YARS2: variants seen among roughly 807,000 people sequenced by gnomAD.
The protein encoded by YARS2 is tyrosyl-tRNA synthetase 2, also known as tyrosine--tRNA ligase, mitochondrial.
YARS2 carries 38 observed loss-of-function variants against 45.0 expected under a neutral mutation model. That is an observed-to-expected ratio of 0.84 (90% confidence interval 0.65 to 1.11). The LOEUF (loss-of-function observed/expected upper bound fraction) is 1.11, where lower values mean the gene tolerates loss of function less well. Ranked by LOEUF, YARS2 falls within the 50% of genes least tolerant of loss-of-function variation. YARS2 has a pLI of 0.00. For synonymous variants in YARS2, 287 were observed against 245.1 expected (o/e 1.17, Z -1.60); for missense variants, 602 against 599.8 (o/e 1.00, Z -0.04).
chr12:32,747,022 C>T lies in YARS2; in HGVS notation c.*182G>A, dbSNP rs2137642804. 1 of 591,892 alleles carries T rather than the reference C, an allele frequency of 1.7e-6. No homozygotes were observed. Among genetic ancestry groups the T allele is most frequent in the Non-Finnish European group, 2.9e-6 (1 of 340,908 alleles). The allele number at this position is 591,892 out of a possible 1,614,324, so 36.7% of individuals were successfully genotyped here. A position where few individuals can be genotyped will look rare whatever the true frequency, so the allele number is the denominator to read the frequency against. On this transcript the variant is annotated 3_prime_UTR_variant, in exon 5 of 5. Coordinates refer to ENST00000324868, the MANE Select transcript of YARS2 (RefSeq NM_001040436.3). ...TTGTACATCAGAAAATAAAACATCC[C>T]ATTATTAAACAAATATTTATTAACC...
chr12:32,747,168 G>A lies in YARS2; in HGVS notation c.*36C>T, dbSNP rs775951624. ...TTCAGAGGTCTTGAGAATGAATGAT[G>A]GGTAAGTTTATTTGGACAACCAGAA... On this transcript the variant is annotated 3_prime_UTR_variant, in exon 5 of 5. Coordinates refer to ENST00000324868, the MANE Select transcript of YARS2 (RefSeq NM_001040436.3). 1.2e-6 allele frequency: 2 copies of A among 1,608,142 alleles called. No homozygotes were observed. The highest frequency in any genetic ancestry group is 8.5e-7 in the Non-Finnish European group (1 of 1,177,180).
rs1221477387 is a variant in YARS2, at chr12:32,746,719, G to A, written c.*485C>T. 1 of 160,224 alleles carries A rather than the reference G, an allele frequency of 6.2e-6. No homozygotes were observed. The highest frequency in any genetic ancestry group is 1.8e-4 in the East Asian group (1 of 5,428). The allele number at this position is 160,224 out of a possible 1,614,324, so 9.9% of individuals were successfully genotyped here. On this transcript the variant is annotated 3_prime_UTR_variant, in exon 5 of 5. Transcript: ENST00000324868. ...CATCTGGCTAATTTTTATATTTTCA[G>A]TAGAGACGGGGTTTCGCCCTGTTGG...
Position 32,749,996 on chromosome 12 carries a change from A to G in YARS2, c.1215T>C (p.Pro405=). 1 of 1,614,172 alleles carries G rather than the reference A, an allele frequency of 6.2e-7. No homozygotes were observed. Among genetic ancestry groups the G allele is most frequent in the Non-Finnish European group, 8.5e-7 (1 of 1,180,018 alleles). The change falls in exon 4 of 5, where the codon CCT becomes CCC. Residue 405 remains proline (P), a synonymous_variant. Transcript: ENST00000324868. The part of the protein sequence containing the change: ...EAPFSEFFLD[P]GTSVLDTCRK... ...GGCAAGTATCTAGGACACTTGTTCC[A>G]GGATCGAGAAAAAATTCAGAAAATG... is the stretch of plus-strand genomic sequence containing the variant.
chr12:32,754,226 A>C, intron 1 of YARS2, 141 bp from the exon 2 acceptor site: 1 of 971,780 alleles, frequency 1.0e-6, no homozygotes, highest in Admixed American at 1.9e-5. Flanking sequence ...TGTTCCTCTT[A>C]TGTATTGTTA....
chr12:32,755,887 A>C lies in YARS2; in HGVS notation c.-13T>G. On this transcript the variant is annotated 5_prime_UTR_variant, in exon 1 of 5. Coordinates refer to ENST00000324868, the MANE Select transcript of YARS2 (RefSeq NM_001040436.3). ...TGGGCGCCGCCATCTTGGTAGCGGC[A>C]CGAAGGGAATGCTGGGATTGCAGAG... 6.2e-7 allele frequency: 1 copy of C among 1,612,786 alleles called. No homozygotes were observed. The highest frequency in any genetic ancestry group is 8.5e-7 in the Non-Finnish European group (1 of 1,179,982).
chr12:32,747,416 TC>T (rs1565556137), intron 4 of YARS2, 53 bp from the exon 5 acceptor site: 1 of 1,587,456 alleles, frequency 6.3e-7, no homozygotes. Context: ...TGTTGATCTG[TC>T]CCCCAAAAAA....
At chr12:32,751,110 A>G (rs930298342) in intron 2 of YARS2, among the ~76,000 whole-genome samples, 3 of 147,892 alleles carry the variant, frequency 2.0e-5, no homozygotes, top group African/African-American at 7.6e-5. Flanking sequence ...GCTGTTGCCC[A>G]GGCTGGAGTG....
chr12:32,751,955 A>G (rs1955752880), intron 2 of YARS2, among the ~76,000 whole-genome samples: 1 of 152,188 alleles, frequency 6.6e-6, no homozygotes, highest in Non-Finnish European at 1.5e-5. Context: ...ATGTTTACGT[A>G]TACAAATACT....
At chr12:32,749,632 G>C (rs950598700) in intron 4 of YARS2, among the ~76,000 whole-genome samples, 2 of 152,258 alleles carry the variant, frequency 1.3e-5, no homozygotes, top group South Asian at 2.1e-4. Context: ...CCAGGCTGGA[G>C]TGCAGTGGTG....
Position 32,749,799 on chromosome 12 carries a change from G to C in YARS2, c.1274+138C>G, listed in dbSNP as rs964215427. 4.2e-6 allele frequency: 4 copies of C among 951,526 alleles called. No individual in the cohort carries two copies. The African/African-American group carries it at 6.5e-5, about 16-fold the overall frequency. 58.9% of individuals were successfully genotyped at this position (951,526 alleles called of 1,614,324 possible). A position where few individuals can be genotyped will look rare whatever the true frequency, so the allele number is the denominator to read the frequency against. Reference sequence around the variant, plus strand: ...TCACCGTGTTAGCCAGGATGGTCTCGATCTCCTGACCTCGTGATCTGCCCG... The same window carrying C: ...TCACCGTGTTAGCCAGGATGGTCTCCATCTCCTGACCTCGTGATCTGCCCG... On this transcript the variant is annotated intron_variant, in intron 4 of 4. Transcript: ENST00000324868.
Position 32,747,019 on chromosome 12 carries a change from T to A in YARS2, c.*185A>T, listed in dbSNP as rs1488295769. 5.1e-6 allele frequency: 3 copies of A among 590,458 alleles called. No individual in the cohort carries two copies. The highest frequency in any genetic ancestry group is 6.3e-5 in the Admixed American group (2 of 31,858). 36.6% of individuals were successfully genotyped at this position (590,458 alleles called of 1,614,324 possible). On this transcript the variant is annotated 3_prime_UTR_variant, in exon 5 of 5. Coordinates refer to ENST00000324868, the MANE Select transcript of YARS2 (RefSeq NM_001040436.3). ...GCTTTGTACATCAGAAAATAAAACA[T>A]CCCATTATTAAACAAATATTTATTA...
At position 32,747,195 on chromosome 12, in the gene YARS2, G is replaced by A; in HGVS notation, c.*9C>T. On this transcript the variant is annotated 3_prime_UTR_variant, in exon 5 of 5. Coordinates refer to ENST00000324868, the MANE Select transcript of YARS2 (RefSeq NM_001040436.3). ...GTAAGTTTATTTGGACAACCAGAAG[G>A]ACTTTTCATCACAACTGAAGCCATT... 6.2e-7 allele frequency: 1 copy of A among 1,611,868 alleles called. No individual in the cohort carries two copies. The highest frequency in any genetic ancestry group is 8.5e-7 in the Non-Finnish European group (1 of 1,179,736).
rs185141250 is a variant in YARS2, at chr12:32,753,907, T to C, written c.947+11A>G. 7.6e-5 allele frequency: 122 copies of C among 1,614,192 alleles called. 1 individual carries two copies. The highest frequency in any genetic ancestry group is 4.9e-4 in the Middle Eastern group (3 of 6,062). The stretch of plus-strand genomic sequence containing the variant: ...GTGTCAGTTTTTCTCAGCCCATTAT[T>C]CAGAACTCACCTTTCCACTGAATCG... On this transcript the variant is annotated intron_variant, in intron 2 of 4. Coordinates refer to ENST00000324868, the MANE Select transcript of YARS2 (RefSeq NM_001040436.3).
At position 32,746,974 on chromosome 12, in the gene YARS2, T is replaced by C. The variant is rs371690622; in HGVS notation, c.*230A>G. 656 of 488,362 alleles carry C rather than the reference T, an allele frequency of 1.3e-3. 14 individuals are homozygous for C. The South Asian group carries it at 0.016, about 12-fold the overall frequency. The allele number at this position is 488,362 out of a possible 1,614,324, so 30.3% of individuals were successfully genotyped here. On this transcript the variant is annotated 3_prime_UTR_variant, in exon 5 of 5. Coordinates refer to ENST00000324868, the MANE Select transcript of YARS2 (RefSeq NM_001040436.3). The stretch of plus-strand genomic sequence containing the variant: ...AAAAAGAGATTAACCCTGAAAATCA[T>C]GGTTTTCTATGGTAATCAAGCTTTG...
chr12:32,754,022 C>T lies in YARS2; in HGVS notation c.843G>A (p.Lys281=). The stretch of plus-strand genomic sequence containing the variant: ...CAGCGTTGCCAGCAGACTTTCCCAG[C>T]TTTGCTCCAGTTGTACTTGTAATTA... ...VPLITSTTGA[K]LGKSAGNAVW... Residue 281 remains lysine, a synonymous_variant, in exon 2 of 5, where the codon AAG becomes AAA. Coordinates refer to ENST00000324868, the MANE Select transcript of YARS2 (RefSeq NM_001040436.3). 6.2e-7 allele frequency: 1 copy of T among 1,614,194 alleles called. No homozygotes were observed.
At chr12:32,754,122 C>A (rs770369107) in intron 1 of YARS2, 37 bp from the exon 2 acceptor site, 1 of 1,613,316 alleles carries the variant, frequency 6.2e-7, no homozygotes, top group Admixed American at 1.7e-5. Flanking sequence ...GTGCCTCAAG[C>A]ACAAGTGGTG....
In YARS2 at chr12:32,755,202, G is replaced by A; in HGVS notation, c.673C>T (p.Gln225Ter). ...SLAEFFYQVL[Q>*]AYDFYYLFQR... ...AAGAGGTAATAGAAGTCATAGGCCT[G>A]GAGCACCTGGTAAAAGAACTCGGCC... The change falls in exon 1 of 5, where the codon CAG becomes TAG. Residue 225 changes from glutamine to a stop codon, truncating the protein, a stop_gained. Transcript: ENST00000324868. LOFTEE classifies it high-confidence loss of function. 1 of 1,614,198 alleles carries A rather than the reference G, an allele frequency of 6.2e-7. No individual in the cohort carries two copies. The highest frequency in any genetic ancestry group is 1.1e-5 in the South Asian group (1 of 91,086).
Position 32,750,033 on chromosome 12 carries a change from A to C in YARS2, c.1178T>G (p.Phe393Cys). Reference sequence around the variant, plus strand: ...AAATTCAGAAAATGGAGCTTCTTTAAACAACTCTTTTAACTCCTGATCAGA... The same window carrying C: ...AAATTCAGAAAATGGAGCTTCTTTACACAACTCTTTTAACTCCTGATCAGA... ...VMSDQELKELFKEAPFSEFFL... is the reference protein window; with the variant it reads ...VMSDQELKELCKEAPFSEFFL... The change falls in exon 4 of 5, where the codon TTT becomes TGT. Residue 393 changes from phenylalanine (F) to cysteine (C), a missense_variant. Coordinates refer to ENST00000324868, the MANE Select transcript of YARS2 (RefSeq NM_001040436.3). The C allele has an allele frequency of 6.2e-7, 1 of 1,614,050 alleles. No individual in the cohort carries two copies. The highest frequency in any genetic ancestry group is 8.5e-7 in the Non-Finnish European group (1 of 1,179,926).
chr12:32,751,816 C>G (rs1015175517), intron 2 of YARS2, among the ~76,000 whole-genome samples: 9 of 152,090 alleles, frequency 5.9e-5, no homozygotes, highest in African/African-American at 1.7e-4. Flanking sequence ...GAGATGGAGC[C>G]CAGGTGTAAT....
Sources: gnomAD v4.1 joint callset for allele counts (sites outside exome capture counted in the v4.1 genomes callset) on GRCh38, gnomAD v4.1.1 for gene constraint, MANE v1.5 for transcripts, NCBI Gene and HGNC (gene_info 2026-07-23, HGNC 2026-07-21) for gene names.